The following TNIP1 variants were observed in gnomAD, a reference collection of about 807,000 sequenced individuals.
The protein encoded by TNIP1 is TNFAIP3 interacting protein 1.
Under a neutral mutation model 86.6 loss-of-function variants are expected in TNIP1, and 22 were observed. That is an observed-to-expected ratio of 0.25 (90% confidence interval 0.18 to 0.36). The LOEUF is 0.36. Among genes scored for constraint, TNIP1 ranks in the 10% least tolerant of loss-of-function variants. The pLI is 1.00. For missense variants in TNIP1, 709 were observed against 820.6 expected, an observed-to-expected ratio of 0.86 and a Z score of 1.66; for synonymous variants, 294 against 313.0, an observed-to-expected ratio of 0.94 and a Z score of 0.64.
At chr5:151,033,127 CAAAAAAA>C (rs11375507) in intron 16 of TNIP1, among the ~76,000 whole-genome samples, 2 of 78,762 alleles carry the variant, frequency 2.5e-5, no homozygotes, top group Non-Finnish European at 4.4e-5. Flanking sequence ...AATTCCATCT[CAAAAAAA>C]AAAAAAAAAA....
chr5:151,059,955 C>T (rs993781122), intron 5 of TNIP1, among the ~76,000 whole-genome samples: 1 of 151,938 alleles, frequency 6.6e-6, no homozygotes, highest in African/African-American at 2.4e-5. Flanking sequence ...AATCACCTGT[C>T]TTACAGGGCC....
rs534731239 is a variant in TNIP1 at position 151,078,185 on chromosome 5, G to A, written c.-37+2695C>T. ...CTGGAAGGCAAAGCCAGCTCCTTAC[G>A]CACCTGTGCATCAAGAACACTGCAT... is the stretch of plus-strand genomic sequence containing the variant. On this transcript the variant is annotated intron_variant, in intron 1 of 17. Coordinates refer to ENST00000521591, the MANE Select transcript of TNIP1 (RefSeq NM_006058.5). 1.1e-4 allele frequency among the ~76,000 whole-genome samples: 17 copies of A among 152,314 alleles called. 2 individuals carry two copies. The highest frequency in any genetic ancestry group is 6.8e-3 in the Middle Eastern group (2 of 294).
At chr5:151,057,959 T>C (rs1760898188) in intron 5 of TNIP1, among the ~76,000 whole-genome samples, 1 of 152,174 alleles carries the variant, frequency 6.6e-6, no homozygotes. Flanking sequence ...CTGGAACCAC[T>C]CTCCCATGTT....
At chr5:151,047,264 A>C (rs1759295942) in intron 8 of TNIP1, among the ~76,000 whole-genome samples, 1 of 152,216 alleles carries the variant, frequency 6.6e-6, no homozygotes, top group Non-Finnish European at 1.5e-5. Context: ...TTGCCAAAAC[A>C]CGTAACCTCA....
chr5:151,057,934 T>A (rs908904993), intron 5 of TNIP1, among the ~76,000 whole-genome samples: 1 of 152,164 alleles, frequency 6.6e-6, no homozygotes, highest in Non-Finnish European at 1.5e-5. Context: ...GGATTTTGGG[T>A]ATCCTCAGGG....
intron 15 of TNIP1, 150 bp downstream of exon 15, chr5:151,034,852 A>G: frequency 1.3e-6 from 1 of 794,014 alleles, no homozygotes; most frequent in South Asian, 1.6e-5. Context: ...CCTCTGTACC[A>G]ATACTGCTCT....
rs777190603 is a variant in TNIP1 at position 151,062,179 on chromosome 5, G to C, written c.305C>G (p.Ala102Gly). 3 of 1,614,070 alleles carry C rather than the reference G, an allele frequency of 1.9e-6. No individual in the cohort carries two copies. The highest frequency in any genetic ancestry group is 1.7e-5 in the Admixed American group (1 of 60,008). The change falls in exon 4 of 18, where the codon GCC (alanine) becomes GGC (glycine). Residue 102 changes from alanine to glycine, a missense_variant. Physicochemically the swap from Ala to Gly is moderately conservative, Grantham distance 60. Transcript: ENST00000521591. ...TGGCTTGTCACTGGGGCATGCAGGG[G>C]CTGTGGGAGATGCTGTGACATTTGA... is the stretch of plus-strand genomic sequence containing the variant. ...KDSNVTASPT[A>G]PACPSDKPAP...
Position 151,056,944 on chromosome 5 carries a change from A to G in TNIP1, c.449T>C (p.Leu150Pro), listed in dbSNP as rs1561851645. The change falls in exon 6 of 18, where the codon CTG becomes CCG. Residue 150 changes from leucine (L) to proline (P), a missense_variant. Transcript: ENST00000521591. ...CATCAGGTTGCCGTCCTCACGGGGC[A>G]GGGGGCCCAGCGCCTGGAGAGGGAA... ...SHANAMALGP[L>P]PREDGNLMLH... 6.5e-7 allele frequency: 1 copy of G among 1,529,740 alleles called. No individual in the cohort carries two copies. The allele number at this position is 1,529,740 out of a possible 1,614,324, so 94.8% of individuals were successfully genotyped here.
chr5:151,041,613 C>T (rs978750617), intron 11 of TNIP1, among the ~76,000 whole-genome samples: 2 of 152,222 alleles, frequency 1.3e-5, no homozygotes, highest in African/African-American at 4.8e-5. Flanking sequence ...GCAATCCTCC[C>T]ACCTCGGCAT....
intron 1 of TNIP1, among the ~76,000 whole-genome samples, chr5:151,066,116 T>C (rs35589164): frequency 0.021 from 3,268 of 152,262 alleles, 48 homozygotes; most frequent in South Asian, 0.058. Context: ...ATGGAGCTTA[T>C]AGTCTAGGGG....
upstream of TNIP1, among the ~76,000 whole-genome samples, chr5:151,085,018 A>G (rs75851973): frequency 0.053 from 8,137 of 152,286 alleles, 276 homozygotes; most frequent in South Asian, 0.14. Flanking sequence ...GACATTTTTA[A>G]TTCTCTCTAT....
upstream of TNIP1, among the ~76,000 whole-genome samples, chr5:151,083,326 G>C (rs1764153121): frequency 6.6e-6 from 1 of 152,232 alleles, no homozygotes; most frequent in Non-Finnish European, 1.5e-5. Context: ...AGAAATGATA[G>C]TGGTGTCTAG....
chr5:151,033,419 G>A (rs529678782), intron 16 of TNIP1, 189 bp downstream of exon 16: 5 of 433,444 alleles, frequency 1.2e-5, no homozygotes, highest in East Asian at 7.0e-5. Context: ...GCAGCCCTGC[G>A]GGACTGTGGC....
chr5:151,080,975 C>G lies in TNIP1; in HGVS notation c.-132G>C, dbSNP rs927775868. On this transcript the variant is annotated 5_prime_UTR_variant, in exon 1 of 18. Transcript: ENST00000521591. The stretch of plus-strand genomic sequence containing the variant: ...GCGGCCCGGGCAAGGCTCCGGCCCC[C>G]CGTAGCACTCCTAGGGCTCCTGGAC... The G allele has an allele frequency of 1.2e-4, 18 of 152,240 alleles. 2 individuals are homozygous for G. The highest frequency in any genetic ancestry group is 1.9e-4 in the East Asian group (1 of 5,150). 9.4% of individuals were successfully genotyped at this position (152,240 alleles called of 1,614,324 possible).
At chr5:151,042,428 T>C in intron 11 of TNIP1, 112 bp downstream of exon 11, 1 of 1,461,178 alleles carries the variant, frequency 6.8e-7, no homozygotes, top group Non-Finnish European at 9.2e-7. Context: ...CCTAGCTCTT[T>C]CGCACTAGAC....
In TNIP1 at chr5:151,045,900, G is replaced by C. The variant is rs755163502; in HGVS notation, c.897C>G (p.Ala299=). Residue 299 remains alanine (A), a synonymous_variant, in exon 9 of 18, where the codon GCC becomes GCG. Coordinates refer to ENST00000521591, the MANE Select transcript of TNIP1 (RefSeq NM_006058.5). ...KVPEVVALGA[A]EKKVKMLEQQ... ...GCTCCAGCATCTTCACCTTCTTCTC[G>C]GCTGCGCCCAAGGCCACCACCTCTG... 6.2e-7 allele frequency: 1 copy of C among 1,614,100 alleles called. No homozygotes were observed. The highest frequency in any genetic ancestry group is 1.1e-5 in the South Asian group (1 of 91,082).
intron 1 of TNIP1, among the ~76,000 whole-genome samples, chr5:151,068,280 G>C (rs1407583769): frequency 2.0e-5 from 3 of 152,208 alleles, no homozygotes; most frequent in Non-Finnish European, 4.4e-5. Context: ...GTCAGCGGCA[G>C]TCCCTGGATG....
intron 17 of TNIP1, among the ~76,000 whole-genome samples, chr5:151,031,719 C>G (rs1019088580): frequency 6.6e-6 from 1 of 152,210 alleles, no homozygotes; most frequent in Non-Finnish European, 1.5e-5. Context: ...TTGGCTCCAG[C>G]CACGCTGGTC....
intron 6 of TNIP1, among the ~76,000 whole-genome samples, chr5:151,054,506 C>T (rs979788552): frequency 6.6e-6 from 1 of 152,112 alleles, no homozygotes; most frequent in Admixed American, 6.5e-5. Context: ...CATGGCAAAA[C>T]CCTGTCTCTA....
Sources: gnomAD v4.1 joint callset for allele counts (sites outside exome capture counted in the v4.1 genomes callset) on GRCh38, gnomAD v4.1.1 for gene constraint, MANE v1.5 for transcripts, NCBI Gene and HGNC (gene_info 2026-07-23, HGNC 2026-07-21) for gene names.